Variants in POLQ observed in about 807,000 individuals in gnomAD.
POLQ encodes the protein epididymis secretory sperm binding protein.
Under a neutral mutation model 259.2 loss-of-function variants are expected in POLQ, and 233 were observed. The ratio of observed to expected loss-of-function variants is 0.90; its 90% CI spans 0.81 to 1.00. The LOEUF (loss-of-function observed/expected upper bound fraction) is 1.00, where lower values mean the gene tolerates loss of function less well. Ranked by LOEUF, POLQ falls within the 50% of genes least tolerant of loss-of-function variation. The probability of loss-of-function intolerance (pLI) is 0.00; values close to 1 mark genes in which losing one functional copy is unlikely to be tolerated. For synonymous variants in POLQ, 1,025 were observed against 1,048.8 expected, an observed-to-expected ratio of 0.98 and a Z score of 0.44; for missense variants, 2,871 against 3,051.6, an observed-to-expected ratio of 0.94 and a Z score of 1.39.
At chr3:121,496,464 C>T (rs202052164) in intron 14 of POLQ, among the ~76,000 whole-genome samples, 36 of 152,190 alleles carry the variant, frequency 2.4e-4, no homozygotes, top group East Asian at 2.3e-3. Flanking sequence ...CATGAGCCAC[C>T]GCGCCCGGCA....
intron 8 of POLQ, among the ~76,000 whole-genome samples, chr3:121,520,323 G>A (rs947995596): frequency 1.3e-5 from 2 of 152,014 alleles, no homozygotes; most frequent in Admixed American, 6.6e-5. Flanking sequence ...ATCGCTTGAG[G>A]TCAGGAGTTC....
Position 121,509,696 on chromosome 3 carries a change from C to G in POLQ, c.1824G>C (p.Val608=). ...TEASDGTEGK[V]YHPTHLGSAT... ...CCGAACCAAGATGTGTTGGATGATA[C>G]ACCTTTCCTGGTTTAGGGTTAGGGT... The change falls in exon 12 of 30, where the codon GTG becomes GTC. Residue 608 remains valine (V), a synonymous_variant. Coordinates refer to ENST00000264233, the MANE Select transcript of POLQ (RefSeq NM_199420.4). The G allele has an allele frequency of 6.2e-7, 1 of 1,612,772 alleles. No individual in the cohort carries two copies. The highest frequency in any genetic ancestry group is 8.5e-7 in the Non-Finnish European group (1 of 1,179,434).
At position 121,541,469 on chromosome 3, in the gene POLQ, AC is replaced by A; in HGVS notation, c.353del (p.Ser118MetfsTer13). 1.2e-6 allele frequency: 2 copies of A among 1,600,248 alleles called. No homozygotes were observed. Among genetic ancestry groups the A allele is most frequent in the Non-Finnish European group, 1.7e-6 (2 of 1,175,546 alleles). ...GKNLVYSAPT[S>X]AGKTLVAELL... ...ATTCTGCCACAAGAGTCTTCCCAGC[AC>A]TTGTAGGAGCTAAAACATGATTATT... is the stretch of plus-strand genomic sequence containing the variant. On this transcript the variant is annotated frameshift_variant, in exon 3 of 30. Transcript: ENST00000264233. LOFTEE classifies it high-confidence loss of function.
chr3:121,494,905 T>C, intron 14 of POLQ: 8 of 1,414,386 alleles, frequency 5.7e-6, no homozygotes, highest in Non-Finnish European at 7.9e-6. Flanking sequence ...CTAAACTGGG[T>C]TAAATGTACA....
At chr3:121,478,548 C>A in intron 19 of POLQ, among the ~76,000 whole-genome samples, 3 of 82,988 alleles carry the variant, frequency 3.6e-5, no homozygotes, top group Admixed American at 1.4e-4. Flanking sequence ...AGAAATACAT[C>A]AAGAATCACA....
At chr3:121,500,937 C>T (rs963332228) in intron 12 of POLQ, among the ~76,000 whole-genome samples, 3 of 152,096 alleles carry the variant, frequency 2.0e-5, no homozygotes, top group Non-Finnish European at 4.4e-5. Flanking sequence ...ATTCAAACTG[C>T]TCAAAGAAAA....
intron 25 of POLQ, among the ~76,000 whole-genome samples, chr3:121,454,003 G>A (rs938406438): frequency 2.0e-5 from 3 of 152,204 alleles, no homozygotes; most frequent in Non-Finnish European, 4.4e-5. Context: ...TACCCACAAA[G>A]GGAAGCCCAT....
Position 121,436,172 on chromosome 3 carries a change from G to C in POLQ, c.7493C>G (p.Thr2498Ser), listed in dbSNP as rs1435167247. ...CTCTCGATGACCATGGGATTTGAAG[G>C]TTGAGTGGAAGGTCTCTAATTGCTT... ...IQKQLETFHS[T>S]FKSHGHREGM... Residue 2498 changes from threonine to serine, a missense_variant, in exon 28 of 30, where the codon ACC becomes AGC. Physicochemically the swap from Thr to Ser is moderately conservative, Grantham distance 58. Around this residue, in one of 3 missense-constraint regions of POLQ, gnomAD observed 2,080 missense variants for 2,126.0 expected, o/e 0.98. Coordinates refer to ENST00000264233, the MANE Select transcript of POLQ (RefSeq NM_199420.4). 6.2e-7 allele frequency: 1 copy of C among 1,613,844 alleles called. No individual in the cohort carries two copies. Among genetic ancestry groups the C allele is most frequent in the Non-Finnish European group, 8.5e-7 (1 of 1,179,762 alleles).
intron 25 of POLQ, among the ~76,000 whole-genome samples, chr3:121,452,993 T>C (rs934669612): frequency 2.6e-5 from 4 of 152,256 alleles, no homozygotes; most frequent in African/African-American, 4.8e-5. Flanking sequence ...CACCCCCCAG[T>C]AGGGGCAGAC....
chr3:121,498,980 C>T (rs982373220), intron 12 of POLQ, among the ~76,000 whole-genome samples: 1 of 152,084 alleles, frequency 6.6e-6, no homozygotes, highest in Non-Finnish European at 1.5e-5. Flanking sequence ...CTGTAGGAGG[C>T]CAAGGCAGGA....
chr3:121,438,404 C>T (rs1209819313), intron 27 of POLQ, among the ~76,000 whole-genome samples: 1 of 152,094 alleles, frequency 6.6e-6, no homozygotes, highest in East Asian at 1.9e-4. Context: ...TTCCAGAAAA[C>T]ATAATCAATT....
intron 26 of POLQ, among the ~76,000 whole-genome samples, chr3:121,448,454 C>T (rs1454235632): frequency 6.6e-6 from 1 of 151,942 alleles, no homozygotes; most frequent in Non-Finnish European, 1.5e-5. Flanking sequence ...TGCACCTCCG[C>T]CTCCCAGGTT....
intron 6 of POLQ, among the ~76,000 whole-genome samples, chr3:121,532,450 CTATT>C (rs1391711176): frequency 6.6e-6 from 1 of 152,080 alleles, no homozygotes; most frequent in Non-Finnish European, 1.5e-5. Context: ...CAGGAAACAA[CTATT>C]TATTTAAATT....
chr3:121,538,269 G>C (rs1369934626), intron 4 of POLQ, among the ~76,000 whole-genome samples: 2 of 151,894 alleles, frequency 1.3e-5, no homozygotes, highest in African/African-American at 4.8e-5. Flanking sequence ...ACATAAATAT[G>C]ATCACAATGT....
intron 28 of POLQ, among the ~76,000 whole-genome samples, chr3:121,433,261 A>C (rs1020751925): frequency 3.3e-5 from 5 of 152,182 alleles, no homozygotes; most frequent in African/African-American, 1.2e-4. Flanking sequence ...GAAGTCAGTA[A>C]ATGGGGTGTG....
At position 121,483,401 on chromosome 3, in the gene POLQ, A is replaced by C. The variant is rs759010664; in HGVS notation, c.5955T>G (p.Ser1985Arg). Residue 1985 changes from serine (S) to arginine (R), a missense_variant, in exon 18 of 30, where the codon AGT becomes AGG. Transcript: ENST00000264233. Reference protein sequence around the residue: ...LLSCGISLEQSYEDPKVACWL... With the variant: ...LLSCGISLEQRYEDPKVACWL... ...GACATAGAACCTTAGGATCTTCATA[A>C]CTTTGCTCCAAGGAGATGCCACAAG... 1.3e-6 allele frequency: 2 copies of C among 1,565,016 alleles called. No homozygotes were observed. Among genetic ancestry groups the C allele is most frequent in the South Asian group, 2.5e-5 (2 of 80,838 alleles).
chr3:121,539,019 C>A lies in POLQ; in HGVS notation c.631+414G>T, dbSNP rs139765778. On this transcript the variant is annotated intron_variant, in intron 4 of 29. Coordinates refer to ENST00000264233, the MANE Select transcript of POLQ (RefSeq NM_199420.4). ...AGTTTCTTTAGCTTCCTACCATTTC[C>A]ATGCTAAATGACAGACTCTGGGTCC... Among the ~76,000 whole-genome samples, 26 of 152,230 alleles carry A rather than the reference C, an allele frequency of 1.7e-4. No individual in the cohort carries two copies. The East Asian group carries it at 4.8e-3, about 28-fold the overall frequency.
At chr3:121,506,670 T>C (rs1256488991) in intron 12 of POLQ, among the ~76,000 whole-genome samples, 1 of 152,210 alleles carries the variant, frequency 6.6e-6, no homozygotes, top group East Asian at 1.9e-4. Context: ...GAGGTCAACT[T>C]TGCAAAACCA....
Position 121,487,717 on chromosome 3 carries a change from T to C in POLQ, c.5214A>G (p.Thr1738=). The change falls in exon 16 of 30, where the codon ACA becomes ACG. Residue 1738 remains threonine (T), a synonymous_variant. Coordinates refer to ENST00000264233, the MANE Select transcript of POLQ (RefSeq NM_199420.4). The stretch of plus-strand genomic sequence containing the variant: ...GCTTAGAAGCAGATGTTGGAATGGG[T>C]GTAGGAGGAATGAGACCATTATCAT... ...IVDDNGLIPP[T]PIPTSASKLT... is the part of the protein sequence containing the mutation. 6.2e-7 allele frequency: 1 copy of C among 1,613,904 alleles called. No homozygotes were observed. Among genetic ancestry groups the C allele is most frequent in the Non-Finnish European group, 8.5e-7 (1 of 1,179,840 alleles).
Sources: allele counts gnomAD v4.1 joint callset (sites outside exome capture counted in the v4.1 genomes callset), GRCh38; gene constraint gnomAD v4.1.1; regional missense constraint gnomAD v4.1.1; transcripts MANE v1.5; gene names NCBI Gene and HGNC (gene_info 2026-07-23, HGNC 2026-07-21).